Variants in KLF17 observed in about 807,000 individuals in gnomAD.
KLF17 encodes Krueppel-like factor 17.
A neutral mutation model predicts 34.2 loss-of-function variants in KLF17; 31 were observed. The ratio of observed to expected loss-of-function variants is 0.91; its 90% CI spans 0.68 to 1.22. KLF17 has a LOEUF of 1.22. KLF17 is among the 50% of genes most tolerant of loss of function. The pLI is 0.00. For missense variants in KLF17, 478 were observed against 505.2 expected (o/e 0.95, Z 0.52); for synonymous variants, 179 against 186.7 (o/e 0.96, Z 0.34).
chr1:44,111,463 G>GTTTTTTTTTTTTTTTTTTTT, the KLF17 span, among the ~76,000 whole-genome samples: 1 of 90,476 alleles, frequency 1.1e-5, no homozygotes, highest in Non-Finnish European at 2.1e-5. Context: ...TTTGCAACTT[G>GTTTTTTTTTTTTTTTTTTTT]TTTTTTTTTT....
At chr1:44,095,388 T>C in the KLF17 span, among the ~76,000 whole-genome samples, 732 of 151,964 alleles carry the variant, frequency 4.8e-3, 6 homozygotes, top group African/African-American at 0.017. Flanking sequence ...GCTAATTTTG[T>C]ATTTTTAGTA....
chr1:44,115,827 G>T (rs1419308663), upstream of KLF17: 1 of 152,088 alleles, frequency 6.6e-6, no homozygotes, highest in Non-Finnish European at 1.5e-5. Context: ...ATGTGAAAAT[G>T]ATTGAAATAA....
rs768404279 is a variant in KLF17 at position 44,129,515 on chromosome 1, G to A, written c.244G>A (p.Val82Met). ...GTCTGTTGAGGCGCCGGGGCAGAAT[G>A]TGAATGAAGGGGGGCCACAGTTCAG... ...LVSVEAPGQN[V>M]NEGGPQFSMP... is the part of the protein sequence containing the mutation. The change falls in exon 2 of 4, where the codon GTG (valine) becomes ATG (methionine). Residue 82 changes from valine to methionine, a missense_variant. Physicochemically the swap from Val to Met is conservative, Grantham distance 21. Transcript: ENST00000372299. The A allele has an allele frequency of 6.8e-6, 11 of 1,612,970 alleles. No homozygotes were observed. Among genetic ancestry groups the A allele is most frequent in the Non-Finnish European group, 8.5e-6 (10 of 1,179,432 alleles).
At chr1:44,086,941 A>C in the KLF17 span, among the ~76,000 whole-genome samples, 4 of 152,360 alleles carry the variant, frequency 2.6e-5, no homozygotes, top group African/African-American at 9.6e-5. Flanking sequence ...ATTGCCAGGA[A>C]GTTAAGTGCC....
chr1:44,128,547 A>G (rs1445808660), intron 1 of KLF17, among the ~76,000 whole-genome samples: 1 of 152,046 alleles, frequency 6.6e-6, no homozygotes, highest in Non-Finnish European at 1.5e-5. Flanking sequence ...GCTTGATCTC[A>G]GACCTGCCCA....
chr1:44,081,255 A>G, the KLF17 span, among the ~76,000 whole-genome samples: 3 of 150,660 alleles, frequency 2.0e-5, no homozygotes, highest in Admixed American at 1.3e-4. Context: ...AGTTAATCAG[A>G]TTCAGTTAAA....
chr1:44,095,210 CTT>C, the KLF17 span, among the ~76,000 whole-genome samples: 186 of 119,330 alleles, frequency 1.6e-3, no homozygotes, highest in African/African-American at 5.1e-3. Flanking sequence ...CTATTTATAT[CTT>C]TTTTTTTTTT....
At position 44,130,054 on chromosome 1, in the gene KLF17, A is replaced by G. The variant is rs754474295; in HGVS notation, c.783A>G (p.Thr261=). The G allele has an allele frequency of 6.2e-7, 1 of 1,614,242 alleles. No individual in the cohort carries two copies. Among genetic ancestry groups the G allele is most frequent in the South Asian group, 1.1e-5 (1 of 91,086 alleles). Residue 261 remains threonine, a synonymous_variant, in exon 2 of 4, where the codon ACA becomes ACG. Transcript: ENST00000372299. ...LPEQPGPAPQ[T]VEKNSRPQEG... is the part of the protein sequence containing the mutation. ...AGCAGCCCGGACCTGCTCCACAGACAGTAGAGAAGAACTCCAGGCCTCAGG... is the reference window on the plus strand; with the variant it reads ...AGCAGCCCGGACCTGCTCCACAGACGGTAGAGAAGAACTCCAGGCCTCAGG...
chr1:44,070,135 T>A, the KLF17 span, among the ~76,000 whole-genome samples: 1 of 152,192 alleles, frequency 6.6e-6, no homozygotes, highest in Non-Finnish European at 1.5e-5. Context: ...AAAGCCTCCA[T>A]TATTTTAAAA....
the KLF17 span, chr1:44,104,383 T>TCTG: frequency 1.2e-5 from 13 of 1,046,172 alleles, no homozygotes; most frequent in Middle Eastern, 2.6e-4. Context: ...CTCCCAGCCG[T>TCTG]CTGCTGCTGC....
the KLF17 span, chr1:44,046,177 T>C: frequency 6.8e-6 from 1 of 148,094 alleles, no homozygotes; most frequent in African/African-American, 2.5e-5. Flanking sequence ...CTATCATACA[T>C]TCATTGGGTA....
intron 1 of KLF17, among the ~76,000 whole-genome samples, chr1:44,122,002 A>G (rs1290147545): frequency 6.6e-6 from 1 of 152,204 alleles, no homozygotes; most frequent in Non-Finnish European, 1.5e-5. Flanking sequence ...TTCCTTAGGG[A>G]TGGCAAAATA....
chr1:44,090,507 T>C, the KLF17 span, among the ~76,000 whole-genome samples: 12 of 151,086 alleles, frequency 7.9e-5, no homozygotes, highest in Non-Finnish European at 1.5e-4. Context: ...CTGCAAATCT[T>C]TGTGGAGAGC....
the KLF17 span, among the ~76,000 whole-genome samples, chr1:44,055,193 C>G: frequency 1.3e-5 from 2 of 152,148 alleles, no homozygotes; most frequent in African/African-American, 2.4e-5. Context: ...CTGATGGGGC[C>G]TGCGGTCCTC....
chr1:44,104,189 G>T, the KLF17 span: 1 of 1,076,162 alleles, frequency 9.3e-7, no homozygotes, highest in Non-Finnish European at 1.4e-6. Context: ...CCTTCTTGAT[G>T]AGGACAAATT....
At chr1:44,081,783 CA>C in the KLF17 span, among the ~76,000 whole-genome samples, 223 of 152,270 alleles carry the variant, frequency 1.5e-3, no homozygotes, top group Middle Eastern at 6.8e-3. Context: ...GTGTTTGTTT[CA>C]GGCTCCTAGA....
chr1:44,109,726 C>T, the KLF17 span, among the ~76,000 whole-genome samples: 1 of 152,190 alleles, frequency 6.6e-6, no homozygotes, highest in East Asian at 1.9e-4. Context: ...TTATCAATCA[C>T]CCTCTTTCCA....
the KLF17 span, among the ~76,000 whole-genome samples, chr1:44,054,454 T>C: frequency 3.4e-5 from 5 of 148,362 alleles, no homozygotes; most frequent in East Asian, 1.0e-3. Flanking sequence ...TGCTGGACTC[T>C]AGGCAAAAAT....
At chr1:44,086,701 G>A in the KLF17 span, among the ~76,000 whole-genome samples, 1 of 152,158 alleles carries the variant, frequency 6.6e-6, no homozygotes, top group Non-Finnish European at 1.5e-5. Context: ...CAGGAGCAAA[G>A]AGAGGGCACA....
Sources: allele counts gnomAD v4.1 joint callset (sites outside exome capture counted in the v4.1 genomes callset), GRCh38; gene constraint gnomAD v4.1.1; transcripts MANE v1.5; gene names NCBI Gene and HGNC (gene_info 2026-07-23, HGNC 2026-07-21).